SLC19A1: variants seen among roughly 807,000 people sequenced by gnomAD.
The protein encoded by SLC19A1 is solute carrier family 19 member 1.
SLC19A1 carries 37 observed loss-of-function variants against 35.3 expected under a neutral mutation model. That is an observed-to-expected ratio of 1.05 (90% confidence interval 0.81 to 1.38). The LOEUF is 1.38. Ranked by LOEUF, SLC19A1 falls within the 40% of genes most tolerant of loss-of-function variation. The probability of loss-of-function intolerance (pLI) is 0.00; values close to 1 mark genes in which losing one functional copy is unlikely to be tolerated. For synonymous variants in SLC19A1, 460 were observed against 398.5 expected (o/e 1.15, Z -1.84); for missense variants, 831 against 826.9 (o/e 1.00, Z -0.06).
In SLC19A1 at chr21:45,505,273, G is replaced by A. The variant is rs746755471; in HGVS notation, c.498-6661C>T. 10 of 1,609,070 alleles carry A rather than the reference G, an allele frequency of 6.2e-6. No individual in the cohort carries two copies. The highest frequency in any genetic ancestry group is 7.6e-6 in the Non-Finnish European group (9 of 1,177,238). On this transcript the variant is annotated intron_variant, in intron 3 of 4. Coordinates refer to the SLC19A1 transcript ENST00000417954. ...CCCCCTTCATTTCCTGGCCCTCACA[G>A]GCAGAGTAAGTCAGTGGGGAGTGGG...
chr21:45,505,884 A>C, intron 3 of SLC19A1: 1 of 1,612,026 alleles, frequency 6.2e-7, no homozygotes, highest in Non-Finnish European at 8.5e-7. Context: ...CAGGTGCACG[A>C]GGTTCCCGAG....
chr21:45,558,161 G>T (rs2078582058), intron 1 of SLC19A1, among the ~76,000 whole-genome samples: 1 of 152,232 alleles, frequency 6.6e-6, no homozygotes, highest in Non-Finnish European at 1.5e-5. Flanking sequence ...AAACCCTTCG[G>T]GGCCAAGGCT....
At position 45,515,368 on chromosome 21, in the gene SLC19A1, A is replaced by G. The variant is rs1602685606; in HGVS notation, c.*290T>C. On this transcript the variant is annotated 3_prime_UTR_variant, in exon 6 of 6. Transcript: ENST00000311124. ...GAAAGGATTTGTCTCAAGCCCCCCA[A>G]GGGGCATGAGCCAGTGAGGCCTGGT... The G allele has an allele frequency of 7.0e-7, 1 of 1,437,780 alleles. No homozygotes were observed. The highest frequency in any genetic ancestry group is 9.0e-7 in the Non-Finnish European group (1 of 1,105,180). 89.1% of individuals were successfully genotyped at this position (1,437,780 alleles called of 1,614,324 possible).
chr21:45,531,302 A>G (rs2047368897), intron 3 of SLC19A1, 87 bp downstream of exon 3: 1 of 1,472,914 alleles, frequency 6.8e-7, no homozygotes, highest in South Asian at 1.4e-5. Flanking sequence ...CGGGAGAGGG[A>G]GCCTCCGGGG....
chr21:45,509,164 C>T (rs554796782), downstream of SLC19A1, among the ~76,000 whole-genome samples: 3 of 152,188 alleles, frequency 2.0e-5, no homozygotes, highest in East Asian at 3.9e-4. Flanking sequence ...CGCGATCCGG[C>T]GCCACGGCAG....
chr21:45,518,685 A>C (rs1277691134), intron 5 of SLC19A1, among the ~76,000 whole-genome samples: 1 of 152,200 alleles, frequency 6.6e-6, no homozygotes, highest in African/African-American at 2.4e-5. Flanking sequence ...CCTGAAAGCT[A>C]TGAGGAAGGG....
upstream of SLC19A1, among the ~76,000 whole-genome samples, chr21:45,547,925 C>T (rs964491151): frequency 6.6e-6 from 1 of 152,134 alleles, no homozygotes; most frequent in Admixed American, 6.6e-5. Flanking sequence ...CAAATTGATC[C>T]ATAGATTCAG....
At position 45,533,511 on chromosome 21, in the gene SLC19A1, C is replaced by G. The variant is rs1012965488; in HGVS notation, c.190-1363G>C. Reference sequence around the variant, plus strand: ...CCCTGGGGACTGATGTGGGAGCCACCCTATGCTTGGAGCCTCCCCTGGGGC... The same window carrying G: ...CCCTGGGGACTGATGTGGGAGCCACGCTATGCTTGGAGCCTCCCCTGGGGC... On this transcript the variant is annotated intron_variant, in intron 2 of 5. Coordinates refer to ENST00000311124, the MANE Select transcript of SLC19A1 (RefSeq NM_194255.4). The surrounding 1 kb of genome is among the most constrained non-coding windows in gnomAD (Gnocchi z 4.5). Among the ~76,000 whole-genome samples the G allele has an allele frequency of 6.6e-6, 1 of 152,124 alleles. No individual in the cohort carries two copies. The highest frequency in any genetic ancestry group is 1.5e-5 in the Non-Finnish European group (1 of 67,990).
intron 3 of SLC19A1, chr21:45,506,103 T>G: frequency 2.9e-6 from 4 of 1,376,764 alleles, no homozygotes; most frequent in Middle Eastern, 2.4e-4. Context: ...ACTTTCAAAC[T>G]TTTGGTAAAG....
At chr21:45,508,770 C>T (rs146758429), downstream of SLC19A1, among the ~76,000 whole-genome samples, 240 of 152,230 alleles carry the variant, frequency 1.6e-3, 1 homozygote, top group African/African-American at 5.2e-3. Context: ...TCCTGTGTGC[C>T]GGGTGGCCAT....
At chr21:45,519,592 A>G (rs73228789) in intron 5 of SLC19A1, among the ~76,000 whole-genome samples, 24,881 of 139,424 alleles carry the variant, frequency 0.18, 2,062 homozygotes, top group East Asian at 0.3. Flanking sequence ...AAAAAAAAAA[A>G]AAGACCAGGG....
intron 1 of SLC19A1, among the ~76,000 whole-genome samples, chr21:45,555,112 G>A (rs918060485): frequency 2.1e-5 from 3 of 145,862 alleles, no homozygotes; most frequent in African/African-American, 7.6e-5. Context: ...AGCCTCCGCG[G>A]GTCCCAGCCC....
chr21:45,509,982 GCGGGGCCGGGGTGGTGCGCC>G (rs2037478311), downstream of SLC19A1: 1 of 1,464,618 alleles, frequency 6.8e-7, no homozygotes, highest in South Asian at 1.2e-5. Context: ...CCACACAGGT[GCGGGGCCGGGGTGGTGCGCC>G]CGGGGCCTGG....
intron 1 of SLC19A1, among the ~76,000 whole-genome samples, chr21:45,551,915 T>A (rs1317042441): frequency 1.3e-5 from 2 of 152,112 alleles, no homozygotes; most frequent in Non-Finnish European, 2.9e-5. Flanking sequence ...CGCCTTTATG[T>A]CCGTACTTTA....
chr21:45,534,633 G>A lies in SLC19A1; in HGVS notation c.190-2485C>T, dbSNP rs1379112162. On this transcript the variant is annotated intron_variant, in intron 2 of 5. Transcript: ENST00000311124. The surrounding 1 kb of genome is among the most constrained non-coding windows in gnomAD (Gnocchi z 4.2). ...AGGCACCTCCTGGTCTTAGTTGAGG[G>A]TCTGAGCGCAGAGCTCCCCCTTGGC... 19 of 1,534,272 alleles carry A rather than the reference G, an allele frequency of 1.2e-5. No homozygotes were observed. The highest frequency in any genetic ancestry group is 1.6e-5 in the Non-Finnish European group (18 of 1,145,792).
intron 1 of SLC19A1, among the ~76,000 whole-genome samples, chr21:45,555,157 CGGCGGG>C (rs1569031718): frequency 2.9e-4 from 21 of 72,574 alleles, no homozygotes; most frequent in East Asian, 2.5e-3. Flanking sequence ...GTGCAGGGGG[CGGCGGG>C]GGCGGCGCAG....
At chr21:45,525,561 T>A (rs2077580257) in intron 5 of SLC19A1, among the ~76,000 whole-genome samples, 1 of 152,206 alleles carries the variant, frequency 6.6e-6, no homozygotes, top group Non-Finnish European at 1.5e-5. Context: ...AGCTCCGCCG[T>A]GGCGAGCAGA....
intron 1 of SLC19A1, among the ~76,000 whole-genome samples, chr21:45,550,248 C>T (rs891603583): frequency 7.2e-5 from 11 of 152,244 alleles, no homozygotes; most frequent in African/African-American, 2.4e-4. Context: ...CCTGGGGAGG[C>T]GCCTCCTGCC....
downstream of SLC19A1, chr21:45,509,913 TG>T (rs2037472597): frequency 7.8e-6 from 7 of 901,574 alleles, no homozygotes; most frequent in Middle Eastern, 3.4e-4. Context: ...GGCTGCTGCC[TG>T]GGCCCCTCAG....
Sources: allele counts gnomAD v4.1 joint callset (sites outside exome capture counted in the v4.1 genomes callset), GRCh38; gene constraint gnomAD v4.1.1; non-coding constraint Gnocchi (gnomAD v3.1); transcripts MANE v1.5; gene names NCBI Gene and HGNC (gene_info 2026-07-23, HGNC 2026-07-21).